Variants in TSNARE1 observed in about 807,000 individuals in gnomAD.
TSNARE1 encodes the protein t-SNARE domain-containing protein 1.
Under a neutral mutation model 62.0 loss-of-function variants are expected in TSNARE1, and 49 were observed. That is an observed-to-expected ratio of 0.79 (90% CI 0.63 to 1.00). The LOEUF (loss-of-function observed/expected upper bound fraction) is 1.00. Among genes scored for constraint, TSNARE1 ranks in the 50% least tolerant of loss-of-function variants. TSNARE1 has a pLI of 0.00. For missense variants in TSNARE1, 755 were observed against 700.1 expected (o/e 1.08, Z -0.88); for synonymous variants, 328 against 294.4 (o/e 1.11, Z -1.17).
At chr8:142,364,094 A>G (rs1835358835) in intron 1 of TSNARE1, among the ~76,000 whole-genome samples, 1 of 152,194 alleles carries the variant, frequency 6.6e-6, no homozygotes, top group South Asian at 2.1e-4. Flanking sequence ...GCGGATCTAG[A>G]ATAAGGTACC....
chr8:142,366,529 G>A (rs962337329), intron 1 of TSNARE1, among the ~76,000 whole-genome samples: 22 of 152,124 alleles, frequency 1.4e-4, no homozygotes, highest in Non-Finnish European at 2.9e-4. Flanking sequence ...ATTAACCTAA[G>A]AGACCTACAG....
chr8:142,400,007 C>T (rs1194108028), intron 1 of TSNARE1, among the ~76,000 whole-genome samples: 1 of 150,914 alleles, frequency 6.6e-6, no homozygotes, highest in African/African-American at 2.4e-5. Flanking sequence ...CCAGCCTGGG[C>T]AACTGGGCAA....
chr8:142,214,101 G>C (rs551320850), intron 13 of TSNARE1, among the ~76,000 whole-genome samples: 31 of 152,318 alleles, frequency 2.0e-4, no homozygotes, highest in African/African-American at 7.5e-4. Context: ...GGGTCTGAGG[G>C]CCTCAGGGCT....
At chr8:142,285,230 G>A (rs543469006) in intron 10 of TSNARE1, among the ~76,000 whole-genome samples, 1 of 148,666 alleles carries the variant, frequency 6.7e-6, no homozygotes, top group East Asian at 1.9e-4. Flanking sequence ...ATGGGTGGAT[G>A]GATGGATGGG....
intron 6 of TSNARE1, among the ~76,000 whole-genome samples, chr8:142,320,235 C>A (rs1310392696): frequency 6.6e-6 from 1 of 152,188 alleles, no homozygotes; most frequent in Non-Finnish European, 1.5e-5. Flanking sequence ...AACCTCAGAG[C>A]TCACCAACAG....
rs1587113180 is a variant in TSNARE1 at position 142,385,626 on chromosome 8, C to T, written c.-40+17478G>A. The stretch of plus-strand genomic sequence containing the variant: ...AGTAAGAACTGGAGTCAAAGGATAT[C>T]ATTTAAAGCTGACATTTCAGTAACA... On this transcript the variant is annotated intron_variant, in intron 1 of 13. Transcript: ENST00000524325. Among the ~76,000 whole-genome samples, 3 of 152,102 alleles carry T rather than the reference C, an allele frequency of 2.0e-5. No individual in the cohort carries two copies. The South Asian group carries it at 6.2e-4, about 32-fold the overall frequency.
At chr8:142,332,364 C>T (rs920262948) in intron 4 of TSNARE1, among the ~76,000 whole-genome samples, 3 of 152,162 alleles carry the variant, frequency 2.0e-5, no homozygotes, top group African/African-American at 7.2e-5. Flanking sequence ...CATGTCAGAA[C>T]AGACCAATCC....
intron 6 of TSNARE1, among the ~76,000 whole-genome samples, chr8:142,323,079 G>A (rs978827384): frequency 2.0e-5 from 3 of 152,182 alleles, no homozygotes; most frequent in South Asian, 2.1e-4. Context: ...ATGAAAGGCC[G>A]GCCTGGCTGC....
intron 2 of TSNARE1, among the ~76,000 whole-genome samples, chr8:142,346,099 C>G (rs903716875): frequency 1.3e-5 from 2 of 152,202 alleles, no homozygotes; most frequent in Non-Finnish European, 2.9e-5. Flanking sequence ...TTTAGGTGTT[C>G]CGGACTTTTC....
upstream of TSNARE1, chr8:142,404,491 C>G (rs1587189520): frequency 6.6e-6 from 1 of 152,268 alleles, no homozygotes; most frequent in Non-Finnish European, 1.5e-5. Context: ...GGGCACATGC[C>G]CACCAGCATT....
At position 142,308,022 on chromosome 8, in the gene TSNARE1, C is replaced by T. The variant is rs551341041; in HGVS notation, c.1131+6362G>A. 3.3e-5 allele frequency among the ~76,000 whole-genome samples: 5 copies of T among 152,318 alleles called. No homozygotes were observed. In the East Asian group the frequency reaches 9.6e-4, roughly 29 times the overall value. On this transcript the variant is annotated intron_variant, in intron 9 of 13. Coordinates refer to ENST00000524325, the MANE Select transcript of TSNARE1 (RefSeq NM_145003.5). ...CACAATCACAGGCTTATGAGCCAAC[C>T]GGAATCCTCTTCTGTGAGGTGCCTG...
intron 7 of TSNARE1, among the ~76,000 whole-genome samples, chr8:142,318,303 C>T (rs1042291438): frequency 6.6e-6 from 1 of 152,202 alleles, no homozygotes; most frequent in Admixed American, 6.5e-5. Flanking sequence ...AAGCCAAGGA[C>T]AGCAAGAGTT....
chr8:142,370,431 T>C (rs1210746907), intron 1 of TSNARE1, among the ~76,000 whole-genome samples: 4 of 151,974 alleles, frequency 2.6e-5, no homozygotes, highest in African/African-American at 9.7e-5. Flanking sequence ...AATTTAAACA[T>C]TCGTTGGGCA....
chr8:142,379,372 A>C (rs1429008330), intron 1 of TSNARE1, among the ~76,000 whole-genome samples: 2 of 152,166 alleles, frequency 1.3e-5, no homozygotes, highest in East Asian at 3.9e-4. Flanking sequence ...TGCTGCGCTC[A>C]TGTCTGGGGC....
In TSNARE1 at chr8:142,260,115, T is replaced by C. The variant is rs576826854; in HGVS notation, c.1446+14666A>G. ...GCCTCCCTTGATTCCCTAGAGCCAA[T>C]GGCTAACTCCTTCCTCCGGTCTCCA... On this transcript the variant is annotated intron_variant, in intron 12 of 13. Transcript: ENST00000524325. Among the ~76,000 whole-genome samples the C allele has an allele frequency of 2.6e-5, 4 of 151,998 alleles. No homozygotes were observed. The East Asian group carries it at 7.8e-4, about 30-fold the overall frequency.
At chr8:142,311,244 C>A (rs1457971643) in intron 9 of TSNARE1, among the ~76,000 whole-genome samples, 1 of 149,530 alleles carries the variant, frequency 6.7e-6, no homozygotes, top group Non-Finnish European at 1.5e-5. Context: ...CTCACTGCAA[C>A]CTGCGCCTCC....
intron 10 of TSNARE1, among the ~76,000 whole-genome samples, chr8:142,288,198 T>C (rs1180649317): frequency 6.6e-6 from 1 of 152,172 alleles, no homozygotes; most frequent in Admixed American, 6.5e-5. Context: ...TTCAGGGGCC[T>C]GGGACGCCCA....
chr8:142,218,692 C>A (rs1816065911), intron 13 of TSNARE1, among the ~76,000 whole-genome samples: 1 of 152,210 alleles, frequency 6.6e-6, no homozygotes, highest in African/African-American at 2.4e-5. Flanking sequence ...TGGCTGCCAG[C>A]CCCCTGTGAG....
chr8:142,343,897 C>A, intron 4 of TSNARE1, 69 bp downstream of exon 4: 1 of 1,409,310 alleles, frequency 7.1e-7, no homozygotes, highest in Non-Finnish European at 9.3e-7. Context: ...GCAACATGGC[C>A]AAGATGGGCC....
Sources: gnomAD v4.1 joint callset for allele counts (sites outside exome capture counted in the v4.1 genomes callset) on GRCh38, gnomAD v4.1.1 for gene constraint, MANE v1.5 for transcripts, NCBI Gene and HGNC (gene_info 2026-07-23, HGNC 2026-07-21) for gene names.